The following ASXL2 variants were observed in gnomAD, a reference collection of about 807,000 sequenced individuals.
ASXL2 encodes the protein ASXL transcriptional regulator 2, also known as putative Polycomb group protein ASXL2.
ASXL2 carries 23 observed loss-of-function variants against 122.0 expected under a neutral mutation model. The ratio of observed to expected loss-of-function variants is 0.19; its 90% confidence interval spans 0.14 to 0.27. The LOEUF is 0.27. Ranked by LOEUF, ASXL2 falls within the 10% of genes least tolerant of loss-of-function variation. The probability of loss-of-function intolerance (pLI) is 1.00; values close to 1 mark genes in which losing one functional copy is unlikely to be tolerated. For synonymous variants in ASXL2, 650 were observed against 637.0 expected (o/e 1.02, Z -0.31); for missense variants, 1,518 against 1,713.8 (o/e 0.89, Z 2.02).
At chr2:25,859,450 A>G (rs2089819900) in intron 1 of ASXL2, among the ~76,000 whole-genome samples, 1 of 152,202 alleles carries the variant, frequency 6.6e-6, no homozygotes, top group African/African-American at 2.4e-5. Context: ...TGGTGGCATT[A>G]CAAATAGGTA....
At chr2:25,859,138 G>C (rs1008680959) in intron 1 of ASXL2, among the ~76,000 whole-genome samples, 1 of 150,912 alleles carries the variant, frequency 6.6e-6, no homozygotes, top group African/African-American at 2.5e-5. Context: ...ACAGGGTTTT[G>C]CTATGTTGCC....
In ASXL2 at chr2:25,843,163, A is replaced by G. The variant is rs1240697668; in HGVS notation, c.140+2318T>C. 3.3e-5 allele frequency among the ~76,000 whole-genome samples: 5 copies of G among 151,936 alleles called. No homozygotes were observed. In the East Asian group the frequency reaches 5.9e-4, roughly 18 times the overall value. ...AAAATACAAAAAACATTAGCCAGGCATGGTGGCAGGTGCCTGTAGTCCCAG... is the reference window on the plus strand; with the variant it reads ...AAAATACAAAAAACATTAGCCAGGCGTGGTGGCAGGTGCCTGTAGTCCCAG... On this transcript the variant is annotated intron_variant, in intron 2 of 12. Transcript: ENST00000435504.
At chr2:25,745,081 G>A (rs1197751659) in intron 12 of ASXL2, among the ~76,000 whole-genome samples, 1 of 151,934 alleles carries the variant, frequency 6.6e-6, no homozygotes, top group Non-Finnish European at 1.5e-5. Context: ...ACACATAAAG[G>A]AGTATGTACA....
chr2:25,792,911 AT>A (rs1012219996), intron 5 of ASXL2, among the ~76,000 whole-genome samples: 38 of 149,014 alleles, frequency 2.6e-4, no homozygotes, highest in African/African-American at 6.6e-4. Flanking sequence ...CGGCTGATAA[AT>A]TTTTTTTTTT....
intron 1 of ASXL2, among the ~76,000 whole-genome samples, chr2:25,877,490 G>T (rs543696386): frequency 4.6e-5 from 7 of 152,176 alleles, no homozygotes; most frequent in African/African-American, 1.7e-4. Flanking sequence ...CGTGAAGGCC[G>T]GGTAAACTAC....
chr2:25,822,785 G>A (rs1300135076), intron 3 of ASXL2: 2 of 573,952 alleles, frequency 3.5e-6, no homozygotes, highest in Non-Finnish European at 6.9e-6. Context: ...TCAGTAATTG[G>A]AAACACTGGG....
chr2:25,849,073 A>ATATATATATATATATATG (rs1178062623), intron 1 of ASXL2, among the ~76,000 whole-genome samples: 1 of 140,602 alleles, frequency 7.1e-6, no homozygotes, highest in African/African-American at 2.7e-5. Context: ...ACATATATAT[A>ATATATATATATATATATG]TATGGAATAT....
At chr2:25,846,400 CT>C (rs2089649643) in intron 1 of ASXL2, among the ~76,000 whole-genome samples, 1 of 152,152 alleles carries the variant, frequency 6.6e-6, no homozygotes, top group Admixed American at 6.6e-5. Context: ...AATCTCGGCA[CT>C]TTGGAAGGCC....
chr2:25,875,816 ACTT>A (rs1257200645), intron 1 of ASXL2, among the ~76,000 whole-genome samples: 1 of 152,176 alleles, frequency 6.6e-6, no homozygotes, highest in Non-Finnish European at 1.5e-5. Context: ...AAGCCTTAAA[ACTT>A]CTTTTCCTAT....
chr2:25,746,643 A>AT (rs1401460672), intron 12 of ASXL2, among the ~76,000 whole-genome samples: 1 of 152,202 alleles, frequency 6.6e-6, no homozygotes, highest in Non-Finnish European at 1.5e-5. Flanking sequence ...CATATCTATC[A>AT]TAATAACACA....
chr2:25,762,176 T>C (rs1411173214), intron 8 of ASXL2, among the ~76,000 whole-genome samples: 1 of 151,838 alleles, frequency 6.6e-6, no homozygotes, highest in East Asian at 1.9e-4. Context: ...CTAAAAAATA[T>C]ATAGAAGTAT....
intron 1 of ASXL2, among the ~76,000 whole-genome samples, chr2:25,863,674 C>A (rs1427177246): frequency 6.6e-6 from 1 of 151,692 alleles, no homozygotes; most frequent in African/African-American, 2.4e-5. Flanking sequence ...GCCTCGGGAA[C>A]AGAGTAAGAC....
At chr2:25,863,687 T>G (rs948249669) in intron 1 of ASXL2, among the ~76,000 whole-genome samples, 28 of 148,988 alleles carry the variant, frequency 1.9e-4, no homozygotes, top group Admixed American at 1.2e-3. Context: ...AGTAAGACTC[T>G]GTCTCAAAAA....
intron 10 of ASXL2, among the ~76,000 whole-genome samples, chr2:25,754,387 G>T (rs918729045): frequency 6.6e-6 from 1 of 152,144 alleles, no homozygotes; most frequent in Non-Finnish European, 1.5e-5. Flanking sequence ...GGACATCAAG[G>T]AATAAGAGGT....
chr2:25,822,311 GGTGGAGCC>G (rs752366969), intron 3 of ASXL2, among the ~76,000 whole-genome samples: 366 of 152,298 alleles, frequency 2.4e-3, no homozygotes, highest in Admixed American at 5.4e-3. Flanking sequence ...TGGGGACCGA[GGTGGAGCC>G]CGCCGCTGCC....
intron 12 of ASXL2, among the ~76,000 whole-genome samples, chr2:25,745,307 G>C (rs1367818218): frequency 6.6e-6 from 1 of 151,194 alleles, no homozygotes; most frequent in Non-Finnish European, 1.5e-5. Flanking sequence ...CAGTCTCCTG[G>C]GTTCAAGTGA....
intron 5 of ASXL2, among the ~76,000 whole-genome samples, chr2:25,799,044 C>T (rs969058322): frequency 1.3e-5 from 2 of 151,842 alleles, no homozygotes; most frequent in East Asian, 1.9e-4. Flanking sequence ...GTGCATGTGG[C>T]GGGGGAGGGG....
chr2:25,751,945 T>C (rs2088054617), intron 11 of ASXL2, among the ~76,000 whole-genome samples: 3 of 152,162 alleles, frequency 2.0e-5, no homozygotes, highest in Admixed American at 2.0e-4. Flanking sequence ...AATTTTTTGG[T>C]ATTTTTTTTA....
intron 5 of ASXL2, among the ~76,000 whole-genome samples, chr2:25,780,914 C>T (rs1355495131): frequency 1.3e-5 from 2 of 151,776 alleles, no homozygotes; most frequent in Non-Finnish European, 2.9e-5. Flanking sequence ...GGTGAAACCC[C>T]GTCTCTACTA....
Sources: allele counts gnomAD v4.1 joint callset (sites outside exome capture counted in the v4.1 genomes callset), GRCh38; gene constraint gnomAD v4.1.1; transcripts MANE v1.5; gene names NCBI Gene and HGNC (gene_info 2026-07-23, HGNC 2026-07-21).